Variants in C4orf36 observed in about 807,000 individuals in gnomAD.
The protein encoded by C4orf36 is chromosome 4 open reading frame 36.
A neutral mutation model predicts 12.2 loss-of-function variants in C4orf36; 11 were observed. That is an observed-to-expected ratio of 0.90 (90% confidence interval 0.57 to 1.49). The LOEUF (loss-of-function observed/expected upper bound fraction) is 1.49. C4orf36 is among the 40% of genes most tolerant of loss of function. The pLI is 0.00. For missense variants in C4orf36, 137 were observed against 133.9 expected, an observed-to-expected ratio of 1.02 and a Z score of -0.11; for synonymous variants, 54 against 51.3, an observed-to-expected ratio of 1.05 and a Z score of -0.22.
At chr4:86,900,767 C>T in the C4orf36 span, among the ~76,000 whole-genome samples, 68,484 of 151,876 alleles carry the variant, frequency 0.45, 17,091 homozygotes, top group South Asian at 0.68. Flanking sequence ...CATGCCATAG[C>T]TAACAGCACA....
At chr4:86,925,521 A>C in the C4orf36 span, 1 of 152,102 alleles carries the variant, frequency 6.6e-6, no homozygotes, top group Non-Finnish European at 1.5e-5. Flanking sequence ...CTGGCCCCCA[A>C]ACTATAACAA....
At chr4:86,920,072 C>T in the C4orf36 span, among the ~76,000 whole-genome samples, 1 of 152,126 alleles carries the variant, frequency 6.6e-6, no homozygotes, top group African/African-American at 2.4e-5. Flanking sequence ...GATATCCTAG[C>T]TTATCACTCT....
At chr4:86,927,423 C>T in the C4orf36 span, among the ~76,000 whole-genome samples, 7 of 152,010 alleles carry the variant, frequency 4.6e-5, no homozygotes, top group Non-Finnish European at 2.9e-5. Flanking sequence ...TAAGTAAATA[C>T]GTACAAGTGA....
the C4orf36 span, chr4:86,914,853 C>T: frequency 9.5e-6 from 4 of 419,570 alleles, no homozygotes; most frequent in East Asian, 9.0e-5. Context: ...AAGCTGGGGT[C>T]GGGGGAGTCC....
chr4:86,921,718 A>T, the C4orf36 span, among the ~76,000 whole-genome samples: 2 of 152,190 alleles, frequency 1.3e-5, no homozygotes, highest in Non-Finnish European at 1.5e-5. Context: ...TTAAGTGTAC[A>T]GTTCATTGGC....
chr4:86,910,411 C>CA, the C4orf36 span, among the ~76,000 whole-genome samples: 1 of 151,384 alleles, frequency 6.6e-6, no homozygotes, highest in Non-Finnish European at 1.5e-5. Context: ...GACTCTGTCT[C>CA]AAAAAAAATT....
At chr4:86,901,365 TCTCA>T in the C4orf36 span, among the ~76,000 whole-genome samples, 4 of 152,164 alleles carry the variant, frequency 2.6e-5, no homozygotes, top group Admixed American at 2.0e-4. Context: ...TCTCTGTCTC[TCTCA>T]CTCACACTCA....
Position 86,891,461 on chromosome 4 carries a change from A to G in C4orf36, c.60T>C (p.Tyr20=), listed in dbSNP as rs777132587. 6 of 1,613,510 alleles carry G rather than the reference A, an allele frequency of 3.7e-6. No homozygotes were observed. Among genetic ancestry groups the G allele is most frequent in the East Asian group, 2.2e-5 (1 of 44,760 alleles). The part of the protein sequence containing the change: ...TVKTILRGSC[Y]NVQEPWDIAL... ...AAAAAAAAAATAGTACTTACACATT[A>G]TAACAACTGCCCCGCAAAATGGTTT... The change falls in exon 2 of 5, where the codon TAT becomes TAC. Residue 20 remains tyrosine, a synonymous_variant. Transcript: ENST00000295898.
the C4orf36 span, among the ~76,000 whole-genome samples, chr4:86,927,251 C>T: frequency 6.6e-6 from 1 of 152,176 alleles, no homozygotes; most frequent in African/African-American, 2.4e-5. Flanking sequence ...GGCATGGTGA[C>T]TCATGTGTGT....
chr4:86,904,026 TTAGC>T, the C4orf36 span, among the ~76,000 whole-genome samples: 1 of 152,196 alleles, frequency 6.6e-6, no homozygotes, highest in Non-Finnish European at 1.5e-5. Flanking sequence ...TTACAATCCT[TTAGC>T]TAGGCTGAAA....
At chr4:86,894,633 A>C (rs1747550679), upstream of C4orf36, among the ~76,000 whole-genome samples, 1 of 152,144 alleles carries the variant, frequency 6.6e-6, no homozygotes, top group Non-Finnish European at 1.5e-5. Context: ...ATTCCTGACA[A>C]TTGTATTTAG....
chr4:86,911,205 T>C, the C4orf36 span, among the ~76,000 whole-genome samples: 60 of 152,320 alleles, frequency 3.9e-4, no homozygotes, highest in Non-Finnish European at 6.6e-4. Flanking sequence ...GGCAGAAGGC[T>C]TGGTGACAGG....
At chr4:86,883,220 C>T (rs1443480422) in intron 4 of C4orf36, among the ~76,000 whole-genome samples, 1 of 48,062 alleles carries the variant, frequency 2.1e-5, no homozygotes, top group Non-Finnish European at 7.0e-5. Context: ...ATTCTCCATG[C>T]TACTTTTAAG....
chr4:86,887,862 C>G lies in C4orf36; in HGVS notation c.252G>C (p.Lys84Asn). ...CTTGACACTTCAGTTTACAAAGACG[C>G]TTCACTTCATACTCCCTTTCGAGTT... ...SIKLEREYEVKRLCKLKCQEN... is the reference protein window; with the variant it reads ...SIKLEREYEVNRLCKLKCQEN... The change falls in exon 4 of 5, where the codon AAG becomes AAC. Residue 84 changes from lysine to asparagine, a missense_variant. Transcript: ENST00000295898. The G allele has an allele frequency of 1.2e-6, 2 of 1,614,168 alleles. No individual in the cohort carries two copies. The highest frequency in any genetic ancestry group is 8.5e-7 in the Non-Finnish European group (1 of 1,179,998).
the C4orf36 span, among the ~76,000 whole-genome samples, chr4:86,898,452 C>A: frequency 6.6e-6 from 1 of 151,966 alleles, no homozygotes. Context: ...AATCCCAGCA[C>A]TTTGGGAGGC....
the C4orf36 span, among the ~76,000 whole-genome samples, chr4:86,920,922 A>C: frequency 6.6e-6 from 1 of 151,974 alleles, no homozygotes; most frequent in African/African-American, 2.4e-5. Context: ...CTATAATCCC[A>C]GCACGCCAAG....
the C4orf36 span, among the ~76,000 whole-genome samples, chr4:86,898,655 G>A: frequency 2.6e-5 from 4 of 151,764 alleles, no homozygotes; most frequent in Non-Finnish European, 5.9e-5. Context: ...CATTTTATTG[G>A]CTTTTAAAAT....
chr4:86,912,015 C>T, the C4orf36 span, among the ~76,000 whole-genome samples: 3 of 152,040 alleles, frequency 2.0e-5, no homozygotes, highest in East Asian at 5.8e-4. Context: ...CATGTGCCAC[C>T]ACACCCAGAT....
At chr4:86,893,716 A>G (rs1164663889), upstream of C4orf36, among the ~76,000 whole-genome samples, 1 of 152,098 alleles carries the variant, frequency 6.6e-6, no homozygotes, top group East Asian at 1.9e-4. Flanking sequence ...CTGGAAGGTG[A>G]GGACTGTCAC....
Sources: allele counts gnomAD v4.1 joint callset (sites outside exome capture counted in the v4.1 genomes callset), GRCh38; gene constraint gnomAD v4.1.1; transcripts MANE v1.5; gene names NCBI Gene and HGNC (gene_info 2026-07-23, HGNC 2026-07-21).